GRIP1: variants seen among roughly 807,000 people sequenced by gnomAD.
GRIP1 encodes glutamate receptor-interacting protein 1.
Under a neutral mutation model 129.9 loss-of-function variants are expected in GRIP1, and 45 were observed. That is an observed-to-expected ratio of 0.35 (90% CI 0.27 to 0.44). The LOEUF (loss-of-function observed/expected upper bound fraction) is 0.44, where lower values mean the gene tolerates loss of function less well. Among genes scored for constraint, GRIP1 ranks in the 20% least tolerant of loss-of-function variants. The pLI is 1.00. For missense variants in GRIP1, 1,196 were observed against 1,396.8 expected, an observed-to-expected ratio of 0.86 and a Z score of 2.29; for synonymous variants, 530 against 520.8, an observed-to-expected ratio of 1.02 and a Z score of -0.24.
At chr12:66,469,882 G>A (rs756604811) in intron 7 of GRIP1, among the ~76,000 whole-genome samples, 6 of 152,100 alleles carry the variant, frequency 3.9e-5, no homozygotes, top group Non-Finnish European at 7.4e-5. Context: ...TGAAGAGTGA[G>A]ACCACCCTAC....
At chr12:66,544,236 A>T (rs2061876127) in intron 2 of GRIP1, among the ~76,000 whole-genome samples, 1 of 152,198 alleles carries the variant, frequency 6.6e-6, no homozygotes, top group African/African-American at 2.4e-5. Flanking sequence ...CCTAAGAGCT[A>T]ATTTTAATAA....
chr12:66,751,346 C>A (rs1436179062), intron 1 of GRIP1, among the ~76,000 whole-genome samples: 1 of 152,108 alleles, frequency 6.6e-6, no homozygotes, highest in South Asian at 2.1e-4. Flanking sequence ...TGGCTCTTAA[C>A]GGATGCTCAA....
At chr12:66,506,726 A>G (rs1340580527) in intron 7 of GRIP1, among the ~76,000 whole-genome samples, 1 of 152,216 alleles carries the variant, frequency 6.6e-6, no homozygotes, top group Non-Finnish European at 1.5e-5. Context: ...GTAATATAAA[A>G]GTAACTAAAA....
At chr12:66,597,633 A>G (rs1166347640) in intron 1 of GRIP1, among the ~76,000 whole-genome samples, 7 of 152,206 alleles carry the variant, frequency 4.6e-5, no homozygotes, top group Non-Finnish European at 1.0e-4. Flanking sequence ...TTAAAAGAGC[A>G]ACTGAGAAGA....
chr12:66,507,558 T>A (rs772878302), intron 7 of GRIP1, among the ~76,000 whole-genome samples: 1 of 152,202 alleles, frequency 6.6e-6, no homozygotes, highest in Non-Finnish European at 1.5e-5. Flanking sequence ...ATAGCCAAGA[T>A]GCAGTTGTGA....
Position 66,781,066 on chromosome 12 carries a change from G to C in GRIP1, c.-420+22987C>G, listed in dbSNP as rs546434387. The stretch of plus-strand genomic sequence containing the variant: ...TTGTTCACCACTGAGTTCTAGGGGA[G>C]TTTGTTACCCAGCAGGTAACGGCGA... On this transcript the variant is annotated intron_variant, in intron 1 of 4. Coordinates refer to the GRIP1 transcript ENST00000538373. Among the ~76,000 whole-genome samples, 147 of 152,268 alleles carry C rather than the reference G, an allele frequency of 9.7e-4. 1 individual carries two copies. Among genetic ancestry groups the C allele is most frequent in the African/African-American group, 3.4e-3 (141 of 41,560 alleles).
At chr12:67,048,454 G>A (rs1467462019) in intron 1 of GRIP1, among the ~76,000 whole-genome samples, 3 of 151,798 alleles carry the variant, frequency 2.0e-5, no homozygotes, top group East Asian at 1.9e-4. Flanking sequence ...ATACATATAC[G>A]CACACACATA....
At chr12:66,892,074 C>T (rs2040669333) in intron 1 of GRIP1, 1 of 152,714 alleles carries the variant, frequency 6.5e-6, no homozygotes, top group African/African-American at 2.4e-5. Flanking sequence ...AAGTAGCACC[C>T]ACACTTGCTG....
Position 66,353,571 on chromosome 12 carries a change from G to A in GRIP1, c.3013-8C>T. 4.3e-6 allele frequency: 7 copies of A among 1,613,508 alleles called. No individual in the cohort carries two copies. The highest frequency in any genetic ancestry group is 5.1e-6 in the Non-Finnish European group (6 of 1,179,422). Reference sequence around the variant, plus strand: ...GTCCTTGTACAAGGTCACCTGAAGAGAGAAAATGGGATGTGAATATTTAGC... The same window carrying A: ...GTCCTTGTACAAGGTCACCTGAAGAAAGAAAATGGGATGTGAATATTTAGC... On this transcript the variant is annotated splice_region_variant and splice_polypyrimidine_tract_variant and intron_variant, in intron 23 of 24. Transcript: ENST00000359742.
intron 4 of GRIP1, among the ~76,000 whole-genome samples, chr12:66,538,097 C>T (rs1480716794): frequency 6.6e-6 from 1 of 152,084 alleles, no homozygotes; most frequent in African/African-American, 2.4e-5. Flanking sequence ...ATTGTCTGCT[C>T]TATCCATCTG....
chr12:66,486,028 T>A (rs1444938967), intron 7 of GRIP1, among the ~76,000 whole-genome samples: 1 of 152,074 alleles, frequency 6.6e-6, no homozygotes, highest in African/African-American at 2.4e-5. Context: ...TTTTAATAGA[T>A]CTTAATATCT....
intron 1 of GRIP1, among the ~76,000 whole-genome samples, chr12:66,614,892 A>G (rs2064972114): frequency 6.6e-6 from 1 of 152,138 alleles, no homozygotes; most frequent in Non-Finnish European, 1.5e-5. Context: ...TTATTCCCTT[A>G]TGCCTTGGCA....
chr12:66,568,052 G>T, intron 2 of GRIP1: 1 of 226,032 alleles, frequency 4.4e-6, no homozygotes, highest in Non-Finnish European at 9.1e-6. Flanking sequence ...GAATCTTTCT[G>T]ATAAACACTC....
At chr12:66,786,300 G>A (rs1035277249) in intron 1 of GRIP1, among the ~76,000 whole-genome samples, 5 of 152,134 alleles carry the variant, frequency 3.3e-5, no homozygotes, top group African/African-American at 1.2e-4. Context: ...AGAGGAAAGA[G>A]GAATTTGGAT....
At chr12:66,859,526 A>G (rs1224417028) in intron 1 of GRIP1, among the ~76,000 whole-genome samples, 5 of 152,062 alleles carry the variant, frequency 3.3e-5, no homozygotes, top group Admixed American at 3.3e-4. Context: ...TCTGAATAAA[A>G]TAATTTTCTC....
chr12:66,690,661 T>A (rs573225344), intron 1 of GRIP1, among the ~76,000 whole-genome samples: 4 of 150,712 alleles, frequency 2.7e-5, no homozygotes, highest in African/African-American at 9.7e-5. Flanking sequence ...AGCTCAGGAG[T>A]TTATGACCAG....
chr12:66,411,813 A>T (rs1436223119), intron 15 of GRIP1, among the ~76,000 whole-genome samples: 1 of 152,276 alleles, frequency 6.6e-6, no homozygotes, highest in Non-Finnish European at 1.5e-5. Context: ...TGAAAAACAC[A>T]ACATGATAAC....
At chr12:66,452,619 A>T (rs1336225247) in intron 11 of GRIP1, among the ~76,000 whole-genome samples, 1 of 152,122 alleles carries the variant, frequency 6.6e-6, no homozygotes, top group African/African-American at 2.4e-5. Flanking sequence ...CAGCAAAGAG[A>T]CTTTTTGCCA....
intron 1 of GRIP1, among the ~76,000 whole-genome samples, chr12:66,876,148 C>A (rs1423608853): frequency 6.6e-6 from 1 of 150,422 alleles, no homozygotes; most frequent in Admixed American, 6.6e-5. Context: ...GAGGATCAAA[C>A]TGGAATGAAA....
Sources: gnomAD v4.1 joint callset for allele counts (sites outside exome capture counted in the v4.1 genomes callset) on GRCh38, gnomAD v4.1.1 for gene constraint, MANE v1.5 for transcripts, NCBI Gene and HGNC (gene_info 2026-07-23, HGNC 2026-07-21) for gene names.